The following TJP2 variants were observed in gnomAD, a reference collection of about 807,000 sequenced individuals.
TJP2 encodes Friedreich ataxia region gene X104 (tight junction protein ZO-2).
Under a neutral mutation model 133.1 loss-of-function variants are expected in TJP2, and 91 were observed. The observed-to-expected ratio is 0.68, with a 90% CI of 0.58 to 0.81. The LOEUF (loss-of-function observed/expected upper bound fraction) is 0.81, where lower values mean the gene tolerates loss of function less well. Ranked by LOEUF, TJP2 falls within the 40% of genes least tolerant of loss-of-function variation. TJP2 has a pLI of 0.00. For missense variants in TJP2, 1,541 were observed against 1,565.6 expected (o/e 0.98, Z 0.26); for synonymous variants, 592 against 583.4 (o/e 1.01, Z -0.21).
At chr9:69,213,862 G>T (rs1395754105) in intron 2 of TJP2, among the ~76,000 whole-genome samples, 1 of 152,104 alleles carries the variant, frequency 6.6e-6, no homozygotes, top group Non-Finnish European at 1.5e-5. Flanking sequence ...GCCGGCTGGT[G>T]GTGCTGCCAA....
intron 1 of TJP2, among the ~76,000 whole-genome samples, chr9:69,133,479 A>G (rs1475448140): frequency 6.6e-6 from 1 of 151,384 alleles, no homozygotes; most frequent in Non-Finnish European, 1.5e-5. Flanking sequence ...GGTGCACACA[A>G]GCCTGCATTC....
At chr9:69,129,702 C>T (rs981614064) in intron 1 of TJP2, among the ~76,000 whole-genome samples, 1 of 151,760 alleles carries the variant, frequency 6.6e-6, no homozygotes, top group Non-Finnish European at 1.5e-5. Flanking sequence ...TTTGGGAGGC[C>T]GAGGCGTGCG....
chr9:69,196,466 C>G (rs1050692689), intron 1 of TJP2, among the ~76,000 whole-genome samples: 1 of 152,274 alleles, frequency 6.6e-6, no homozygotes, highest in Middle Eastern at 3.4e-3. Flanking sequence ...AGAGGTGGGT[C>G]TTGTTACTGC....
In TJP2 at chr9:69,196,946, T is replaced by TACACACACACACACACACACACACAC. The variant is rs746386691; in HGVS notation, c.61-15596_61-15571dup. Among the ~76,000 whole-genome samples, 14 of 134,232 alleles carry TACACACACACACACACACACACACAC rather than the reference T, an allele frequency of 1.0e-4. 1 individual carries two copies. Among genetic ancestry groups the TACACACACACACACACACACACACAC allele is most frequent in the African/African-American group, 2.7e-4 (10 of 36,714 alleles). The allele number at this position is 134,232 out of a possible 152,430, so 88.1% of individuals were successfully genotyped here. On this transcript the variant is annotated intron_variant, in intron 1 of 22. Transcript: ENST00000377245. ...ATATATATGTGTGTGTGTGTGTGTG[T>TACACACACACACACACACACACACAC]ACACACACACACACACACACACACA...
At chr9:69,147,793 T>C (rs1823279398) in intron 1 of TJP2, among the ~76,000 whole-genome samples, 1 of 152,216 alleles carries the variant, frequency 6.6e-6, no homozygotes, top group Admixed American at 6.5e-5. Context: ...ATGTGCCTTT[T>C]TTTTGAGAGA....
chr9:69,168,565 C>G (rs1824486180), intron 2 of TJP2, among the ~76,000 whole-genome samples: 1 of 152,062 alleles, frequency 6.6e-6, no homozygotes, highest in Admixed American at 6.6e-5. Context: ...GAGGCTGAGG[C>G]AGGTGGATCA....
intron 9 of TJP2, 114 bp downstream of exon 9, chr9:69,228,228 C>A: frequency 7.7e-7 from 1 of 1,304,502 alleles, no homozygotes; most frequent in Non-Finnish European, 1.1e-6. Flanking sequence ...CAGCTGGAGG[C>A]CATTATCCTA....
intron 2 of TJP2, among the ~76,000 whole-genome samples, chr9:69,154,179 G>A (rs2133355026): frequency 6.6e-6 from 1 of 152,318 alleles, no homozygotes; most frequent in East Asian, 1.9e-4. Flanking sequence ...ATTCTACAGA[G>A]CTTGAAGACT....
chr9:69,241,205 T>C lies in TJP2; in HGVS notation c.2566+1058T>C, dbSNP rs571715102. On this transcript the variant is annotated intron_variant, in intron 17 of 22. Transcript: ENST00000377245. ...TATTACTCATGAAAGTAAAATGGTC[T>C]AAGAACATGACATATTTTAGTAACA... Among the ~76,000 whole-genome samples the C allele has an allele frequency of 2.0e-5, 3 of 152,362 alleles. No individual in the cohort carries two copies. In the South Asian group the frequency reaches 6.2e-4, roughly 32 times the overall value.
intron 20 of TJP2, among the ~76,000 whole-genome samples, chr9:69,250,766 C>A (rs1175674124): frequency 6.6e-6 from 1 of 152,208 alleles, no homozygotes; most frequent in African/African-American, 2.4e-5. Context: ...CAGGTCTGAT[C>A]TTACCTCCAG....
rs12349679 is a variant in TJP2, at chr9:69,146,554, A to G, written c.-130-5097A>G. Among the ~76,000 whole-genome samples the G allele has an allele frequency of 9.7e-3, 1,477 of 152,318 alleles. 31 individuals are homozygous for G. The highest frequency in any genetic ancestry group is 0.033 in the African/African-American group (1,354 of 41,578). ...ATAGTTACTAGCTTATTTTTATCAT[A>G]TGAGCAATGTACATTCATTATAGAA... On this transcript the variant is annotated intron_variant, in intron 1 of 5. Coordinates refer to the TJP2 transcript ENST00000423935.
At chr9:69,155,127 A>T (rs1823678119) in intron 2 of TJP2, among the ~76,000 whole-genome samples, 1 of 149,562 alleles carries the variant, frequency 6.7e-6, no homozygotes, top group Non-Finnish European at 1.5e-5. Flanking sequence ...CTGAGGCAGG[A>T]GAATCACTTG....
chr9:69,236,854 A>G, intron 13 of TJP2, 95 bp from the exon 14 acceptor site: 1 of 1,410,766 alleles, frequency 7.1e-7, no homozygotes, highest in Admixed American at 1.7e-5. Flanking sequence ...ATCTTCTCTG[A>G]GCTCAGAAGT....
intron 1 of TJP2, among the ~76,000 whole-genome samples, chr9:69,179,682 G>A (rs1284543287): frequency 1.3e-5 from 2 of 151,724 alleles, no homozygotes; most frequent in Non-Finnish European, 2.9e-5. Flanking sequence ...TGTATTTTTA[G>A]TAGAGACGGG....
At position 69,229,122 on chromosome 9, in the gene TJP2, C is replaced by T. The variant is rs1338871042; in HGVS notation, c.1454-62C>T. On this transcript the variant is annotated intron_variant, in intron 9 of 22. Coordinates refer to ENST00000377245, the MANE Select transcript of TJP2 (RefSeq NM_004817.4). ...ATTTTTTGTGGATTTTGTGATTTTT[C>T]TATTTAGAAACGCACTCTTGTTAGT... 2.7e-6 allele frequency: 4 copies of T among 1,491,808 alleles called. No homozygotes were observed. In the South Asian group the frequency reaches 4.5e-5, roughly 17 times the overall value. 92.4% of individuals were successfully genotyped at this position (1,491,808 alleles called of 1,614,324 possible).
At chr9:69,227,236 G>C (rs1365301357) in intron 7 of TJP2, among the ~76,000 whole-genome samples, 1 of 152,050 alleles carries the variant, frequency 6.6e-6, no homozygotes, top group Admixed American at 6.6e-5. Flanking sequence ...AAAACAAAAG[G>C]AGCATGAGAA....
At chr9:69,133,546 C>CTTTTTTTTTT (rs10577570) in intron 1 of TJP2, among the ~76,000 whole-genome samples, 29 of 104,782 alleles carry the variant, frequency 2.8e-4, no homozygotes, top group African/African-American at 8.2e-4. Flanking sequence ...ATTTTTCTGG[C>CTTTTTTTTTT]TTTTTTTTTT....
chr9:69,173,839 G>C (rs903301567), upstream of TJP2, among the ~76,000 whole-genome samples: 1 of 152,218 alleles, frequency 6.6e-6, no homozygotes. Flanking sequence ...AGTCGGGCCA[G>C]CAGCGCCCGG....
intron 2 of TJP2, among the ~76,000 whole-genome samples, chr9:69,156,810 C>T (rs1321634018): frequency 1.3e-5 from 2 of 152,078 alleles, no homozygotes; most frequent in African/African-American, 2.4e-5. Flanking sequence ...TGAGCCACCG[C>T]GCCCGGCCAA....
Sources: gnomAD v4.1 joint callset for allele counts (sites outside exome capture counted in the v4.1 genomes callset) on GRCh38, gnomAD v4.1.1 for gene constraint, MANE v1.5 for transcripts, NCBI Gene and HGNC (gene_info 2026-07-23, HGNC 2026-07-21) for gene names.